The following FRMD4A variants were observed in gnomAD, a reference collection of about 807,000 sequenced individuals.
FRMD4A encodes the protein FERM domain containing 4A, also known as FERM domain-containing protein 4A.
Under a neutral mutation model 129.1 loss-of-function variants are expected in FRMD4A, and 29 were observed. The observed-to-expected ratio is 0.22, with a 90% confidence interval of 0.17 to 0.31. The LOEUF is 0.31. Ranked by LOEUF, FRMD4A falls within the 10% of genes least tolerant of loss-of-function variation. The pLI is 1.00. For synonymous variants in FRMD4A, 634 were observed against 571.6 expected, an observed-to-expected ratio of 1.11 and a Z score of -1.56; for missense variants, 1,272 against 1,375.8, an observed-to-expected ratio of 0.92 and a Z score of 1.19.
intron 2 of FRMD4A, among the ~76,000 whole-genome samples, chr10:14,307,052 C>G (rs1288072458): frequency 6.6e-6 from 1 of 152,224 alleles, no homozygotes; most frequent in Non-Finnish European, 1.5e-5. Flanking sequence ...ACATTGATGA[C>G]AGGCAAATGC....
intron 2 of FRMD4A, chr10:13,890,570 C>G (rs2094683768): frequency 1.0e-6 from 1 of 984,286 alleles, no homozygotes; most frequent in Non-Finnish European, 1.2e-6. Context: ...TCACCACTGA[C>G]CAGCTCAGAC....
chr10:14,224,164 GA>G (rs201556473), intron 2 of FRMD4A, among the ~76,000 whole-genome samples: 4 of 151,222 alleles, frequency 2.6e-5, no homozygotes, highest in East Asian at 3.9e-4. Flanking sequence ...TCTGCCAAAA[GA>G]AAAAAAAAGT....
chr10:14,224,143 C>T (rs547385191), intron 2 of FRMD4A, among the ~76,000 whole-genome samples: 6 of 152,264 alleles, frequency 3.9e-5, no homozygotes, highest in African/African-American at 1.2e-4. Context: ...CTTTCAAATC[C>T]GTGCCTCTTC....
At chr10:14,221,210 C>T (rs756590200) in intron 2 of FRMD4A, among the ~76,000 whole-genome samples, 37 of 152,112 alleles carry the variant, frequency 2.4e-4, no homozygotes, top group Non-Finnish European at 5.0e-4. Flanking sequence ...GCCCTACTGC[C>T]CTGAGGCCCC....
intron 4 of FRMD4A, among the ~76,000 whole-genome samples, chr10:13,798,434 C>A (rs950492743): frequency 6.6e-6 from 1 of 151,146 alleles, no homozygotes; most frequent in African/African-American, 2.4e-5. Context: ...ATAGGACGGG[C>A]GTGGTGGCTC....
chr10:14,234,934 T>C (rs1176975491), intron 2 of FRMD4A, among the ~76,000 whole-genome samples: 2 of 152,196 alleles, frequency 1.3e-5, no homozygotes, highest in African/African-American at 4.8e-5. Context: ...CTAAAATGGC[T>C]CCAAGCTCTG....
intron 2 of FRMD4A, among the ~76,000 whole-genome samples, chr10:14,120,268 C>T (rs1838430428): frequency 6.6e-6 from 1 of 151,950 alleles, no homozygotes. Flanking sequence ...AGTCTTGAGC[C>T]TTCATATGTC....
intron 2 of FRMD4A, among the ~76,000 whole-genome samples, chr10:14,013,015 A>T (rs117365057): frequency 0.015 from 2,271 of 152,140 alleles, 41 homozygotes; most frequent in East Asian, 0.088. Flanking sequence ...CTGTCGTGAC[A>T]CTCCCAGGGC....
At chr10:13,968,395 AAAC>A (rs1368473620) in intron 2 of FRMD4A, among the ~76,000 whole-genome samples, 31 of 152,258 alleles carry the variant, frequency 2.0e-4, no homozygotes, top group African/African-American at 3.4e-4. Context: ...ATTTCAACAA[AAAC>A]AACATTTCAC....
At chr10:14,287,101 A>G (rs559340290) in intron 2 of FRMD4A, among the ~76,000 whole-genome samples, 2 of 150,956 alleles carry the variant, frequency 1.3e-5, no homozygotes, top group African/African-American at 4.9e-5. Context: ...CAGTGTCCCA[A>G]TATTTCTTCT....
chr10:13,792,705 G>A (rs2093030463), intron 5 of FRMD4A, among the ~76,000 whole-genome samples: 1 of 152,144 alleles, frequency 6.6e-6, no homozygotes, highest in Non-Finnish European at 1.5e-5. Context: ...TCCTTTTTGG[G>A]TAATTATTAA....
At chr10:14,313,976 G>A (rs1182612718) in intron 2 of FRMD4A, among the ~76,000 whole-genome samples, 1 of 152,178 alleles carries the variant, frequency 6.6e-6, no homozygotes, top group Non-Finnish European at 1.5e-5. Context: ...GTTAGTTGCA[G>A]ACAACAAAGT....
At chr10:14,141,591 T>C (rs1208131355) in intron 2 of FRMD4A, among the ~76,000 whole-genome samples, 1 of 150,216 alleles carries the variant, frequency 6.7e-6, no homozygotes, top group East Asian at 2.0e-4. Context: ...ACCCCTGCCA[T>C]ACCCCCTTCA....
chr10:13,755,396 C>A (rs1299343169), intron 8 of FRMD4A, among the ~76,000 whole-genome samples: 3 of 152,186 alleles, frequency 2.0e-5, no homozygotes, highest in Admixed American at 1.3e-4. Flanking sequence ...AGAAGGCACT[C>A]TTTTTGGGCC....
rs547507714 is a variant in FRMD4A at position 13,934,930 on chromosome 10, G to A, written c.46-76018C>T. Among the ~76,000 whole-genome samples the A allele has an allele frequency of 3.0e-4, 46 of 152,210 alleles. No homozygotes were observed. In the South Asian group the frequency reaches 7.3e-3, roughly 24 times the overall value. The stretch of plus-strand genomic sequence containing the variant: ...AGATCAAGGTGCTGGTAGCTTTGGC[G>A]TCAGGTGAGGCCTCTGTCTGCTTCA... On this transcript the variant is annotated intron_variant, in intron 2 of 24. Coordinates refer to ENST00000357447, the MANE Select transcript of FRMD4A (RefSeq NM_018027.5).
At chr10:13,649,064 A>G (rs1266918827) in intron 24 of FRMD4A, among the ~76,000 whole-genome samples, 1 of 152,220 alleles carries the variant, frequency 6.6e-6, no homozygotes, top group Non-Finnish European at 1.5e-5. Flanking sequence ...AGTATCACCT[A>G]TTAACATCCA....
chr10:14,125,160 A>G (rs1434280824), intron 2 of FRMD4A, among the ~76,000 whole-genome samples: 5 of 152,160 alleles, frequency 3.3e-5, no homozygotes, highest in Non-Finnish European at 7.3e-5. Context: ...ATCCCAACGC[A>G]TGCACCATGA....
At chr10:14,039,332 G>T (rs1194203666) in intron 2 of FRMD4A, among the ~76,000 whole-genome samples, 1 of 151,974 alleles carries the variant, frequency 6.6e-6, no homozygotes, top group African/African-American at 2.4e-5. Context: ...TGCTAAGTAA[G>T]ATCTTTTTCT....
chr10:14,106,189 T>C (rs1262201024), intron 2 of FRMD4A, among the ~76,000 whole-genome samples: 1 of 152,250 alleles, frequency 6.6e-6, no homozygotes, highest in Non-Finnish European at 1.5e-5. Flanking sequence ...TCATTATTCA[T>C]TTATGGAGTC....
Sources: gnomAD v4.1 joint callset for allele counts (sites outside exome capture counted in the v4.1 genomes callset) on GRCh38, gnomAD v4.1.1 for gene constraint, MANE v1.5 for transcripts, NCBI Gene and HGNC (gene_info 2026-07-23, HGNC 2026-07-21) for gene names.